The following DOCK5 variants were observed in gnomAD, a reference collection of about 807,000 sequenced individuals.
The protein encoded by DOCK5 is dedicator of cytokinesis 5.
In DOCK5, 142 loss-of-function variants were observed where a neutral mutation model predicts 251.8. The ratio of observed to expected loss-of-function variants is 0.56; its 90% confidence interval spans 0.49 to 0.65. The LOEUF (loss-of-function observed/expected upper bound fraction) is 0.65. Among genes scored for constraint, DOCK5 ranks in the 30% least tolerant of loss-of-function variants. The pLI, the probability that DOCK5 is intolerant of heterozygous loss-of-function variation, is 0.00. For synonymous variants in DOCK5, 842 were observed against 835.5 expected (o/e 1.01, Z -0.13); for missense variants, 2,111 against 2,312.3 (o/e 0.91, Z 1.79).
intron 2 of DOCK5, among the ~76,000 whole-genome samples, chr8:25,251,465 T>C (rs1216873188): frequency 1.3e-5 from 2 of 152,218 alleles, no homozygotes; most frequent in Non-Finnish European, 2.9e-5. Flanking sequence ...TTATTTCTTC[T>C]ATATAGAAGA....
chr8:25,240,654 G>A (rs73673870), intron 1 of DOCK5, among the ~76,000 whole-genome samples: 8,397 of 152,166 alleles, frequency 0.055, 539 homozygotes, highest in African/African-American at 0.16. Context: ...TCTTTTCATT[G>A]CTGCATAGTA....
intron 1 of DOCK5, among the ~76,000 whole-genome samples, chr8:25,215,850 G>C (rs1055640802): frequency 1.3e-5 from 2 of 150,846 alleles, no homozygotes; most frequent in African/African-American, 4.9e-5. Flanking sequence ...TAGAGAAAAG[G>C]TTATTGTCAT....
intron 28 of DOCK5, among the ~76,000 whole-genome samples, chr8:25,362,498 A>G (rs1426077914): frequency 4.4e-5 from 5 of 113,540 alleles, no homozygotes; most frequent in African/African-American, 1.8e-4. Flanking sequence ...ATAGAGTCTC[A>G]CTCTGCTGCC....
intron 40 of DOCK5, 98 bp downstream of exon 40, chr8:25,382,876 G>T (rs1272156251): frequency 6.1e-6 from 6 of 988,028 alleles, no homozygotes; most frequent in African/African-American, 1.7e-5. Flanking sequence ...CTGCCGACCC[G>T]TGTTCTCGCT....
chr8:25,405,312 T>C (rs1038691711), intron 48 of DOCK5, among the ~76,000 whole-genome samples: 2 of 152,056 alleles, frequency 1.3e-5, no homozygotes, highest in African/African-American at 4.8e-5. Flanking sequence ...ATTTACAATT[T>C]TGTCTGTAAT....
rs569292199 is a variant in DOCK5, at chr8:25,360,482, G to C, written c.2949+1421G>C. ...TTAGCCATGTGTTCTCTACAGGCAG[G>C]TGGTGTAGCGGGTAAGAGCACAGGC... On this transcript the variant is annotated intron_variant, in intron 28 of 51. Coordinates refer to ENST00000276440, the MANE Select transcript of DOCK5 (RefSeq NM_024940.8). 9.3e-4 allele frequency among the ~76,000 whole-genome samples: 142 copies of C among 152,300 alleles called. 1 individual carries two copies. Among genetic ancestry groups the C allele is most frequent in the Non-Finnish European group, 1.8e-3 (120 of 68,032 alleles).
intron 13 of DOCK5, among the ~76,000 whole-genome samples, chr8:25,312,247 A>G (rs1318224937): frequency 6.6e-6 from 1 of 152,202 alleles, no homozygotes; most frequent in African/African-American, 2.4e-5. Context: ...CTCTACCTGA[A>G]GGTTGTTTTA....
intron 1 of DOCK5, among the ~76,000 whole-genome samples, chr8:25,221,446 T>G (rs1461629619): frequency 6.6e-6 from 1 of 152,122 alleles, no homozygotes; most frequent in Non-Finnish European, 1.5e-5. Flanking sequence ...GTAGCCGGGA[T>G]TACAGGCGCC....
intron 47 of DOCK5, among the ~76,000 whole-genome samples, chr8:25,401,526 A>C (rs1801437903): frequency 6.6e-6 from 1 of 152,176 alleles, no homozygotes; most frequent in Admixed American, 6.5e-5. Context: ...TGTGGTCAGG[A>C]GTTCGAGACC....
In DOCK5 at chr8:25,194,990, G is replaced by T. The variant is rs573094810; in HGVS notation, c.43+10039G>T. On this transcript the variant is annotated intron_variant, in intron 1 of 51. Transcript: ENST00000276440. ...GACTGGAGTGTAGTGGCGCAATCTTGGCTCACTGCAACCTCCACCTCCTGG... is the reference window on the plus strand; with the variant it reads ...GACTGGAGTGTAGTGGCGCAATCTTTGCTCACTGCAACCTCCACCTCCTGG... Among the ~76,000 whole-genome samples the T allele has an allele frequency of 2.0e-3, 301 of 151,938 alleles. 2 individuals carry two copies. Among genetic ancestry groups the T allele is most frequent in the African/African-American group, 6.9e-3 (284 of 41,372 alleles).
At chr8:25,195,251 CTT>C (rs59704416) in intron 1 of DOCK5, among the ~76,000 whole-genome samples, 1,610 of 106,160 alleles carry the variant, frequency 0.015, 39 homozygotes, top group African/African-American at 0.064. Flanking sequence ...CTCCTTATCA[CTT>C]TTTTTTTTTT....
chr8:25,300,761 A>C, intron 9 of DOCK5, 104 bp downstream of exon 9: 1 of 1,242,880 alleles, frequency 8.0e-7, no homozygotes, highest in Non-Finnish European at 1.1e-6. Flanking sequence ...GAAAGGAAAA[A>C]TCATCAATCT....
At chr8:25,364,566 T>C in intron 29 of DOCK5, 60 bp from the exon 30 acceptor site, 1 of 1,263,730 alleles carries the variant, frequency 7.9e-7, no homozygotes, top group South Asian at 1.3e-5. Context: ...TTAATATAGG[T>C]GGGAAAAGGT....
chr8:25,384,186 C>T (rs1016065731), intron 40 of DOCK5, among the ~76,000 whole-genome samples: 23 of 152,168 alleles, frequency 1.5e-4, no homozygotes, highest in Admixed American at 1.2e-3. Context: ...TAAAAGGCTG[C>T]GTACTCTGTG....
At chr8:25,241,905 A>T (rs952745770) in intron 1 of DOCK5, among the ~76,000 whole-genome samples, 1 of 152,146 alleles carries the variant, frequency 6.6e-6, no homozygotes. Context: ...ACACAGGAAC[A>T]GAAAACCAAA....
At chr8:25,219,595 AAT>A (rs1297652471) in intron 1 of DOCK5, among the ~76,000 whole-genome samples, 1 of 152,194 alleles carries the variant, frequency 6.6e-6, no homozygotes, top group Admixed American at 6.5e-5. Context: ...AATGTCTGAA[AAT>A]ATCTCTATTC....
chr8:25,298,916 T>C lies in DOCK5; in HGVS notation c.607-28T>C, dbSNP rs112868827. The C allele has an allele frequency of 1.8e-5, 28 of 1,556,600 alleles. No individual in the cohort carries two copies. In the African/African-American group the frequency reaches 2.9e-4, roughly 16 times the overall value. On this transcript the variant is annotated intron_variant, in intron 7 of 51. Transcript: ENST00000276440. Reference sequence around the variant, plus strand: ...CATTTCCCATTTGCCAAAATCAAGATGTTTTTCTCTGTTCCCTCTTTGTTC... The same window carrying C: ...CATTTCCCATTTGCCAAAATCAAGACGTTTTTCTCTGTTCCCTCTTTGTTC...
chr8:25,391,201 GTGTGTGTGTGTGTGTGTGTGTGTGTGTGT>G (rs1801253959), intron 42 of DOCK5, among the ~76,000 whole-genome samples: 2 of 139,636 alleles, frequency 1.4e-5, no homozygotes, highest in Admixed American at 1.4e-4. Context: ...CCACACCTGT[GTGTGTGTGTGTGTGTGTGTGTGTGTGTGT>G]GTGTGTGTGT....
intron 1 of DOCK5, among the ~76,000 whole-genome samples, chr8:25,205,641 G>A (rs1801983819): frequency 6.6e-6 from 1 of 152,168 alleles, no homozygotes; most frequent in Admixed American, 6.5e-5. Context: ...GCCTTTAGCA[G>A]CCTTCTGGCC....
Sources: allele counts gnomAD v4.1 joint callset (sites outside exome capture counted in the v4.1 genomes callset), GRCh38; gene constraint gnomAD v4.1.1; transcripts MANE v1.5; gene names NCBI Gene and HGNC (gene_info 2026-07-23, HGNC 2026-07-21).